PSD3: variants seen among roughly 807,000 people sequenced by gnomAD.
PSD3 encodes PH and SEC7 domain-containing protein 3.
In PSD3, 49 loss-of-function variants were observed where a neutral mutation model predicts 105.5. That is an observed-to-expected ratio of 0.46 (90% CI 0.37 to 0.59). The LOEUF is 0.59. PSD3 is among the 20% of genes least tolerant of loss of function. The pLI is 0.00. For synonymous variants in PSD3, 557 were observed against 457.8 expected, an observed-to-expected ratio of 1.22 and a Z score of -2.77; for missense variants, 1,561 against 1,263.8, an observed-to-expected ratio of 1.24 and a Z score of -3.57.
At chr8:18,542,550 A>G (rs2129984285) in intron 15 of PSD3, among the ~76,000 whole-genome samples, 1 of 152,344 alleles carries the variant, frequency 6.6e-6, no homozygotes, top group Non-Finnish European at 1.5e-5. Context: ...ATATGTTTTA[A>G]CTAATATAAT....
intron 10 of PSD3, among the ~76,000 whole-genome samples, chr8:18,636,083 T>A (rs894149820): frequency 6.6e-6 from 1 of 152,290 alleles, no homozygotes; most frequent in South Asian, 2.1e-4. Flanking sequence ...TTTGTTATCA[T>A]AGGAGATGAC....
rs556856276 is a variant in PSD3, at chr8:18,758,988, G to GT, written c.2172+6460dup. On this transcript the variant is annotated intron_variant, in intron 9 of 15. Coordinates refer to ENST00000327040, the MANE Select transcript of PSD3 (RefSeq NM_015310.4). ...AGACTATGTAACAATTTAATTCACTGTTTTTTTATCACTCCATTCATGGAG... is the reference window on the plus strand; with the variant it reads ...AGACTATGTAACAATTTAATTCACTGTTTTTTTTATCACTCCATTCATGGAG... Among the ~76,000 whole-genome samples the GT allele has an allele frequency of 4.6e-5, 7 of 151,960 alleles. No homozygotes were observed. In the South Asian group the frequency reaches 8.3e-4, roughly 18 times the overall value.
chr8:18,635,446 A>C (rs148298098), intron 10 of PSD3, among the ~76,000 whole-genome samples: 6 of 152,260 alleles, frequency 3.9e-5, no homozygotes, highest in South Asian at 2.1e-4. Context: ...GTCTTGTAAA[A>C]TTATAATGCA....
chr8:19,065,205 A>T (rs1829036722), intron 1 of PSD3, among the ~76,000 whole-genome samples: 1 of 152,008 alleles, frequency 6.6e-6, no homozygotes, highest in African/African-American at 2.4e-5. Context: ...CTCTGAGGGG[A>T]AAAAACACAA....
intron 4 of PSD3, among the ~76,000 whole-genome samples, chr8:18,863,222 C>T (rs1266905847): frequency 1.3e-5 from 2 of 152,242 alleles, no homozygotes; most frequent in Non-Finnish European, 2.9e-5. Context: ...CTAATGGTCA[C>T]AGTGACAACA....
intron 9 of PSD3, among the ~76,000 whole-genome samples, chr8:18,762,394 C>T (rs1272318364): frequency 2.6e-5 from 4 of 152,108 alleles, no homozygotes; most frequent in African/African-American, 7.2e-5. Context: ...CTGTACAGCC[C>T]GCAGAACCAT....
At chr8:18,615,089 T>A (rs542221803) in intron 11 of PSD3, among the ~76,000 whole-genome samples, 1 of 152,246 alleles carries the variant, frequency 6.6e-6, no homozygotes, top group African/African-American at 2.4e-5. Context: ...TGTCAATATG[T>A]TCAATTCTTT....
At chr8:18,709,212 G>A (rs1286022406) in intron 9 of PSD3, among the ~76,000 whole-genome samples, 1 of 152,190 alleles carries the variant, frequency 6.6e-6, no homozygotes, top group Non-Finnish European at 1.5e-5. Flanking sequence ...TCCCCACAGT[G>A]AAGCACAGCG....
chr8:19,072,619 G>A (rs1395875913), intron 1 of PSD3, among the ~76,000 whole-genome samples: 3 of 152,098 alleles, frequency 2.0e-5, no homozygotes, highest in Non-Finnish European at 2.9e-5. Flanking sequence ...CCCAGGCCAC[G>A]GGCTCCCAGC....
chr8:18,942,524 C>A (rs886391777), intron 1 of PSD3, among the ~76,000 whole-genome samples: 3 of 152,140 alleles, frequency 2.0e-5, no homozygotes, highest in African/African-American at 7.2e-5. Context: ...ACCCCCAGTA[C>A]CTCAAATGTA....
chr8:18,814,953 A>C (rs115544307), intron 4 of PSD3, among the ~76,000 whole-genome samples: 1,561 of 152,332 alleles, frequency 0.01, 30 homozygotes, highest in African/African-American at 0.035. Context: ...TAAGAACTAC[A>C]ATTTTCATAT....
At chr8:19,040,983 C>A (rs963288094) in intron 1 of PSD3, among the ~76,000 whole-genome samples, 35 of 152,158 alleles carry the variant, frequency 2.3e-4, no homozygotes, top group Non-Finnish European at 3.2e-4. Context: ...GCCTTGAACG[C>A]CCAGGCTCAA....
chr8:19,003,997 C>T (rs1826536912), intron 1 of PSD3, among the ~76,000 whole-genome samples: 2 of 152,032 alleles, frequency 1.3e-5, no homozygotes, highest in East Asian at 1.9e-4. Flanking sequence ...AGGAAGACTG[C>T]TCCTTCAGAA....
intron 1 of PSD3, among the ~76,000 whole-genome samples, chr8:19,043,066 G>C (rs953781431): frequency 6.6e-6 from 1 of 152,114 alleles, no homozygotes; most frequent in African/African-American, 2.4e-5. Context: ...ACAGAAAGAA[G>C]AGGCTTATAA....
At chr8:18,671,760 T>C (rs1172417443) in intron 9 of PSD3, among the ~76,000 whole-genome samples, 3 of 152,026 alleles carry the variant, frequency 2.0e-5, no homozygotes, top group Admixed American at 1.3e-4. Context: ...GCCTCCCGAA[T>C]AGCTGGGACT....
At chr8:18,587,339 C>T (rs1306860831) in intron 12 of PSD3, among the ~76,000 whole-genome samples, 1 of 152,102 alleles carries the variant, frequency 6.6e-6, no homozygotes, top group Non-Finnish European at 1.5e-5. Context: ...GGGAAGAAAA[C>T]AGTTCTTTCG....
At chr8:18,933,021 T>G (rs761214310) in intron 2 of PSD3, among the ~76,000 whole-genome samples, 2 of 152,252 alleles carry the variant, frequency 1.3e-5, no homozygotes, top group African/African-American at 4.8e-5. Flanking sequence ...AAGAAACTTA[T>G]GAGTAAGAAC....
At chr8:18,547,298 C>A (rs1800506067) in intron 15 of PSD3, among the ~76,000 whole-genome samples, 1 of 152,156 alleles carries the variant, frequency 6.6e-6, no homozygotes, top group African/African-American at 2.4e-5. Flanking sequence ...AACTTGTGCT[C>A]CTAATCTGAA....
chr8:18,641,184 C>T (rs1233593380), intron 10 of PSD3, among the ~76,000 whole-genome samples: 1 of 152,166 alleles, frequency 6.6e-6, no homozygotes, highest in Non-Finnish European at 1.5e-5. Flanking sequence ...TACTGGCAAT[C>T]ATTACCATGA....
Sources: allele counts gnomAD v4.1 joint callset (sites outside exome capture counted in the v4.1 genomes callset), GRCh38; gene constraint gnomAD v4.1.1; transcripts MANE v1.5; gene names NCBI Gene and HGNC (gene_info 2026-07-23, HGNC 2026-07-21).